Variants in FGF14 observed in about 807,000 individuals in gnomAD.
The protein encoded by FGF14 is fibroblast growth factor homologous factor 4.
FGF14 carries 5 observed loss-of-function variants against 25.5 expected under a neutral mutation model. That is an observed-to-expected ratio of 0.20 (90% CI 0.10 to 0.41). The LOEUF (loss-of-function observed/expected upper bound fraction) is 0.41, where lower values mean the gene tolerates loss of function less well. FGF14 is among the 10% of genes least tolerant of loss of function. The probability of loss-of-function intolerance (pLI) is 1.00; values close to 1 mark genes in which losing one functional copy is unlikely to be tolerated. For synonymous variants in FGF14, 138 were observed against 118.3 expected, an observed-to-expected ratio of 1.17 and a Z score of -1.08; for missense variants, 222 against 320.1, an observed-to-expected ratio of 0.69 and a Z score of 2.34.
In FGF14 at chr13:101,986,065, CTG is replaced by C. The variant is rs541342878; in HGVS notation, c.209-110771_209-110770del. Among the ~76,000 whole-genome samples, 249 of 152,218 alleles carry C rather than the reference CTG, an allele frequency of 1.6e-3. 5 individuals carry two copies. In the South Asian group the frequency reaches 0.023, roughly 14 times the overall value. On this transcript the variant is annotated intron_variant, in intron 1 of 4. Coordinates refer to the FGF14 transcript ENST00000376131. ...TTAATTTTGCCTGGAGAAGAAAACA[CTG>C]TAAGTTCAATTTGATACTTAAGGAT...
chr13:102,276,795 T>A (rs2053573267), intron 1 of FGF14, among the ~76,000 whole-genome samples: 1 of 152,172 alleles, frequency 6.6e-6, no homozygotes, highest in South Asian at 2.1e-4. Context: ...CAGCATGACA[T>A]TTTAAAATTG....
chr13:102,179,730 A>G (rs1182929622), intron 1 of FGF14, among the ~76,000 whole-genome samples: 1 of 152,152 alleles, frequency 6.6e-6, no homozygotes, highest in Admixed American at 6.6e-5. Flanking sequence ...TCACTATTCT[A>G]TGCTAAAGCT....
intron 1 of FGF14, among the ~76,000 whole-genome samples, chr13:101,947,002 CTAAAGA>C (rs1429061890): frequency 2.0e-5 from 3 of 152,124 alleles, no homozygotes; most frequent in South Asian, 2.1e-4. Flanking sequence ...TAATGCAATC[CTAAAGA>C]TAAATTTTTC....
intron 1 of FGF14, among the ~76,000 whole-genome samples, chr13:102,241,407 C>T (rs1212242157): frequency 6.6e-6 from 1 of 152,072 alleles, no homozygotes; most frequent in Non-Finnish European, 1.5e-5. Context: ...CAATTGTACC[C>T]CATACAATCC....
intron 1 of FGF14, among the ~76,000 whole-genome samples, chr13:102,246,894 A>ATGAG (rs1223961423): frequency 6.6e-6 from 1 of 152,052 alleles, no homozygotes; most frequent in Non-Finnish European, 1.5e-5. Flanking sequence ...AAACAGACAC[A>ATGAG]TAGACCAATG....
At chr13:102,279,199 GATAGATAA>G (rs974743759) in intron 1 of FGF14, among the ~76,000 whole-genome samples, 177 of 152,190 alleles carry the variant, frequency 1.2e-3, no homozygotes, top group African/African-American at 4.2e-3. Flanking sequence ...TGTATAGATA[GATAGATAA>G]ATAGATGATA....
chr13:102,029,313 G>A (rs2041092333), intron 1 of FGF14, among the ~76,000 whole-genome samples: 1 of 151,970 alleles, frequency 6.6e-6, no homozygotes, highest in South Asian at 2.1e-4. Context: ...TATAACTTAG[G>A]ATGCAAGATT....
At position 102,206,542 on chromosome 13, in the gene FGF14, A is replaced by T. The variant is rs568640191; in HGVS notation, c.208+194929T>A. Among the ~76,000 whole-genome samples the T allele has an allele frequency of 9.3e-4, 141 of 152,048 alleles. 1 individual carries two copies. The highest frequency in any genetic ancestry group is 3.1e-3 in the African/African-American group (129 of 41,360). On this transcript the variant is annotated intron_variant, in intron 1 of 4. Transcript: ENST00000376131. ...CCAAAAAATACAAAATTAGCCAGGC[A>T]TGGTGATGTGCGCCTGTACTCCCAG...
At chr13:101,802,827 G>A (rs2040961274) in intron 3 of FGF14, among the ~76,000 whole-genome samples, 1 of 152,160 alleles carries the variant, frequency 6.6e-6, no homozygotes, top group South Asian at 2.1e-4. Flanking sequence ...TAGAAATCCT[G>A]AGGTGTCAGG....
chr13:102,243,136 G>A (rs1044697270), intron 1 of FGF14, among the ~76,000 whole-genome samples: 1 of 152,104 alleles, frequency 6.6e-6, no homozygotes, highest in Non-Finnish European at 1.5e-5. Context: ...TAGCAGAGCA[G>A]CAACATGGAA....
intron 1 of FGF14, among the ~76,000 whole-genome samples, chr13:101,942,005 T>C (rs2035485304): frequency 6.6e-6 from 1 of 152,244 alleles, no homozygotes; most frequent in Admixed American, 6.5e-5. Context: ...GAATTGTTAC[T>C]ATGTTGTTTT....
At chr13:101,890,035 C>T (rs1217603471) in intron 1 of FGF14, among the ~76,000 whole-genome samples, 2 of 152,134 alleles carry the variant, frequency 1.3e-5, no homozygotes, top group Non-Finnish European at 2.9e-5. Flanking sequence ...TGATATTGTA[C>T]CAAACCATCT....
intron 1 of FGF14, among the ~76,000 whole-genome samples, chr13:102,139,293 G>A (rs138354626): frequency 3.9e-5 from 6 of 152,002 alleles, no homozygotes; most frequent in Non-Finnish European, 7.4e-5. Context: ...CCAGTTAATC[G>A]GGAGGCTGAG....
chr13:101,970,507 G>A (rs1306774775), intron 1 of FGF14, among the ~76,000 whole-genome samples: 1 of 152,154 alleles, frequency 6.6e-6, no homozygotes, highest in African/African-American at 2.4e-5. Context: ...TTGACATGCT[G>A]AGTACTTCCA....
At chr13:102,379,427 CACAT>C (rs966386050) in intron 1 of FGF14, among the ~76,000 whole-genome samples, 1 of 151,578 alleles carries the variant, frequency 6.6e-6, no homozygotes, top group African/African-American at 2.4e-5. Context: ...CACACACACA[CACAT>C]ATTTATATAT....
At chr13:101,917,202 G>A (rs936760850), upstream of FGF14, among the ~76,000 whole-genome samples, 33 of 151,910 alleles carry the variant, frequency 2.2e-4, no homozygotes, top group Non-Finnish European at 4.1e-4. Flanking sequence ...CTCGGCTTCT[G>A]CCGGTGATTG....
intron 1 of FGF14, among the ~76,000 whole-genome samples, chr13:102,086,788 T>C (rs577808092): frequency 1.3e-5 from 2 of 152,210 alleles, no homozygotes; most frequent in Non-Finnish European, 2.9e-5. Flanking sequence ...TTTCTTAATG[T>C]GTGATGGAAT....
intron 1 of FGF14, among the ~76,000 whole-genome samples, chr13:101,983,179 T>C (rs1275542580): frequency 6.6e-6 from 1 of 151,584 alleles, no homozygotes; most frequent in Non-Finnish European, 1.5e-5. Flanking sequence ...AGCTGCTTAT[T>C]ACCCAGATCA....
At chr13:102,041,001 C>T (rs538499112) in intron 1 of FGF14, among the ~76,000 whole-genome samples, 5 of 151,824 alleles carry the variant, frequency 3.3e-5, no homozygotes, top group Non-Finnish European at 7.4e-5. Flanking sequence ...ACTTACCCAC[C>T]CTACCATACC....
Sources: gnomAD v4.1 joint callset for allele counts (sites outside exome capture counted in the v4.1 genomes callset) on GRCh38, gnomAD v4.1.1 for gene constraint, MANE v1.5 for transcripts, NCBI Gene and HGNC (gene_info 2026-07-23, HGNC 2026-07-21) for gene names.